Variants in OXR1 observed in about 807,000 individuals in gnomAD.
OXR1 encodes oxidation resistance protein 1.
Under a neutral mutation model 104.6 loss-of-function variants are expected in OXR1, and 41 were observed. The ratio of observed to expected loss-of-function variants is 0.39; its 90% confidence interval spans 0.31 to 0.51. The LOEUF (loss-of-function observed/expected upper bound fraction) is 0.51. OXR1 is among the 20% of genes least tolerant of loss of function. The probability of loss-of-function intolerance (pLI) is 0.77; values close to 1 mark genes in which losing one functional copy is unlikely to be tolerated. For missense variants in OXR1, 955 were observed against 1,031.9 expected, an observed-to-expected ratio of 0.93 and a Z score of 1.02; for synonymous variants, 348 against 348.4, an observed-to-expected ratio of 1.00 and a Z score of 0.01.
intron 3 of OXR1, among the ~76,000 whole-genome samples, chr8:106,606,012 A>C (rs373428402): frequency 3.9e-5 from 6 of 152,098 alleles, no homozygotes; most frequent in African/African-American, 1.4e-4. Context: ...TATGTTTCCT[A>C]TTGCAGTTGT....
chr8:106,653,083 A>ATATAT (rs1554611973), intron 3 of OXR1, among the ~76,000 whole-genome samples: 8,084 of 136,874 alleles, frequency 0.059, 307 homozygotes, highest in South Asian at 0.14. Flanking sequence ...AAAAAAAAAA[A>ATATAT]ATATATATAT....
At chr8:106,702,369 A>G (rs1269403462) in intron 7 of OXR1, among the ~76,000 whole-genome samples, 1 of 152,232 alleles carries the variant, frequency 6.6e-6, no homozygotes, top group Non-Finnish European at 1.5e-5. Context: ...TTAATTTTAC[A>G]GATGAAGAAA....
At chr8:106,581,043 G>C in intron 3 of OXR1, 1 of 1,089,502 alleles carries the variant, frequency 9.2e-7, no homozygotes, top group African/African-American at 1.7e-5. Flanking sequence ...AAGACAAGTG[G>C]GAAGGTGTAG....
intron 2 of OXR1, among the ~76,000 whole-genome samples, chr8:106,399,582 T>C (rs1817920255): frequency 6.6e-6 from 1 of 152,156 alleles, no homozygotes; most frequent in African/African-American, 2.4e-5. Context: ...CTCTGAAGTA[T>C]TATATGTGAC....
intron 9 of OXR1, 122 bp downstream of exon 9, chr8:106,707,267 C>T: frequency 1.2e-6 from 1 of 804,286 alleles, no homozygotes; most frequent in South Asian, 1.4e-5. Flanking sequence ...TGACCCTTGA[C>T]CGGTGATTCT....
chr8:106,602,302 G>A (rs1054590032), intron 3 of OXR1, among the ~76,000 whole-genome samples: 2 of 152,216 alleles, frequency 1.3e-5, no homozygotes, highest in African/African-American at 4.8e-5. Context: ...TAACCAAACT[G>A]ACTGGAGAGG....
At chr8:106,515,635 G>A (rs977252456) in intron 2 of OXR1, among the ~76,000 whole-genome samples, 3 of 151,890 alleles carry the variant, frequency 2.0e-5, no homozygotes, top group Admixed American at 6.6e-5. Flanking sequence ...GTAGTATTCC[G>A]TTGTGTATAC....
chr8:106,448,146 C>A, intron 2 of OXR1: 1 of 1,335,844 alleles, frequency 7.5e-7, no homozygotes, highest in Non-Finnish European at 1.0e-6. Context: ...GATTTCTGTG[C>A]AAGTGAGAAA....
chr8:106,302,051 C>T (rs1586494063), intron 1 of OXR1, among the ~76,000 whole-genome samples: 1 of 152,090 alleles, frequency 6.6e-6, no homozygotes, highest in Non-Finnish European at 1.5e-5. Flanking sequence ...CAAAGAAAGA[C>T]CTGTCTACTT....
At chr8:106,499,701 A>G (rs1020832108) in intron 2 of OXR1, among the ~76,000 whole-genome samples, 9 of 152,188 alleles carry the variant, frequency 5.9e-5, no homozygotes, top group African/African-American at 2.2e-4. Context: ...TAACTGGTAG[A>G]GTTTTATTCT....
chr8:106,389,093 T>C (rs994214931), intron 2 of OXR1, among the ~76,000 whole-genome samples: 2 of 152,186 alleles, frequency 1.3e-5, no homozygotes, highest in African/African-American at 4.8e-5. Context: ...GAGATAAATA[T>C]CTTTCCAAAC....
chr8:106,594,387 TG>T (rs1264517558), intron 3 of OXR1, among the ~76,000 whole-genome samples: 1 of 152,198 alleles, frequency 6.6e-6, no homozygotes, highest in African/African-American at 2.4e-5. Flanking sequence ...ACTGGAAGTT[TG>T]TATAAGTGGT....
intron 14 of OXR1, among the ~76,000 whole-genome samples, chr8:106,741,031 G>C (rs185650798): frequency 2.0e-5 from 3 of 152,122 alleles, no homozygotes; most frequent in Non-Finnish European, 4.4e-5. Context: ...AGTGTTTTAT[G>C]TGTCAGGAAC....
Position 106,321,764 on chromosome 8 carries a change from A to T in OXR1, c.-138-37712A>T, listed in dbSNP as rs114344510. Among the ~76,000 whole-genome samples the T allele has an allele frequency of 5.0e-3, 765 of 152,304 alleles. 6 individuals carry two copies. The highest frequency in any genetic ancestry group is 0.018 in the African/African-American group (738 of 41,560). On this transcript the variant is annotated intron_variant, in intron 1 of 16. Coordinates refer to ENST00000517566, the MANE Select transcript of OXR1 (RefSeq NM_001198533.2). Reference sequence around the variant, plus strand: ...GCGGTATTTTCTAGAATGATAATTAATGATAGAGTTGTAAAACAATCTTAA... The same window carrying T: ...GCGGTATTTTCTAGAATGATAATTATTGATAGAGTTGTAAAACAATCTTAA...
At chr8:106,418,985 C>T (rs371007105) in intron 2 of OXR1, among the ~76,000 whole-genome samples, 10 of 152,092 alleles carry the variant, frequency 6.6e-5, no homozygotes, top group South Asian at 2.1e-4. Context: ...TCATAACCAA[C>T]GCTCATAACC....
At chr8:106,558,658 CT>C (rs1330744872) in intron 3 of OXR1, among the ~76,000 whole-genome samples, 14 of 152,148 alleles carry the variant, frequency 9.2e-5, no homozygotes, top group African/African-American at 3.4e-4. Flanking sequence ...AGTAAAACTA[CT>C]GTTTTGTGGA....
At chr8:106,508,454 G>GA (rs35947230) in intron 2 of OXR1, among the ~76,000 whole-genome samples, 76,415 of 151,906 alleles carry the variant, frequency 0.5, 21,492 homozygotes, top group Non-Finnish European at 0.64. Context: ...AAGAAAACTA[G>GA]AACAGATACA....
At chr8:106,748,717 C>T (rs1835614181) in intron 16 of OXR1, among the ~76,000 whole-genome samples, 1 of 151,624 alleles carries the variant, frequency 6.6e-6, no homozygotes, top group African/African-American at 2.4e-5. Flanking sequence ...TACAGGCGCC[C>T]ACCACCACGC....
chr8:106,701,929 G>A (rs1830614926), intron 7 of OXR1, among the ~76,000 whole-genome samples: 1 of 152,156 alleles, frequency 6.6e-6, no homozygotes, highest in African/African-American at 2.4e-5. Flanking sequence ...TATAAAGTAA[G>A]AAGGTTAAAC....
Sources: allele counts gnomAD v4.1 joint callset (sites outside exome capture counted in the v4.1 genomes callset), GRCh38; gene constraint gnomAD v4.1.1; transcripts MANE v1.5; gene names NCBI Gene and HGNC (gene_info 2026-07-23, HGNC 2026-07-21).